Variants in TUBA1A observed in about 807,000 individuals in gnomAD.
TUBA1A encodes tubulin alpha-1A chain.
TUBA1A carries 7 observed loss-of-function variants against 34.6 expected under a neutral mutation model. That is an observed-to-expected ratio of 0.20 (90% CI 0.11 to 0.38). TUBA1A has a LOEUF of 0.38. TUBA1A is among the 10% of genes least tolerant of loss of function. The pLI is 1.00. For synonymous variants in TUBA1A, 193 were observed against 210.2 expected (o/e 0.92, Z 0.71); for missense variants, 19 against 581.3 (o/e 0.03, Z 9.95).
Position 49,188,090 on chromosome 12 carries a change from A to G in TUBA1A, c.3+887T>C. ...GGGCGTCCCACAGACACACACACAC[A>G]CACACACACACACACACACACACTT... is the stretch of plus-strand genomic sequence containing the variant. On this transcript the variant is annotated intron_variant, in intron 1 of 3. Coordinates refer to ENST00000301071, the MANE Select transcript of TUBA1A (RefSeq NM_006009.4). The surrounding 1 kb of genome is among the most constrained non-coding windows in gnomAD (Gnocchi z 4.9). The G allele has an allele frequency of 2.0e-6, 2 of 980,038 alleles. No individual in the cohort carries two copies. Among genetic ancestry groups the G allele is most frequent in the Non-Finnish European group, 2.4e-6 (2 of 826,022 alleles). The allele number at this position is 980,038 out of a possible 1,614,324, so 60.7% of individuals were successfully genotyped here.
In TUBA1A at chr12:49,184,863, A is replaced by C; in HGVS notation, c.*147T>G. 7.4e-7 allele frequency: 1 copy of C among 1,347,384 alleles called. No individual in the cohort carries two copies. The highest frequency in any genetic ancestry group is 1.4e-5 in the African/African-American group (1 of 69,542). 83.5% of individuals were successfully genotyped at this position (1,347,384 alleles called of 1,614,324 possible). The stretch of plus-strand genomic sequence containing the variant: ...AATGGACAGCTTGGGTCTGTAACAA[A>C]GCATTCATGTTTTAGAGCATAGGTC... On this transcript the variant is annotated 3_prime_UTR_variant, in exon 4 of 4. Coordinates refer to ENST00000301071, the MANE Select transcript of TUBA1A (RefSeq NM_006009.4).
Position 49,188,286 on chromosome 12 carries a change from G to A in TUBA1A, c.3+691C>T. 7.0e-7 allele frequency: 1 copy of A among 1,428,958 alleles called. No homozygotes were observed. 88.5% of individuals were successfully genotyped at this position (1,428,958 alleles called of 1,614,324 possible). A position where few individuals can be genotyped will look rare whatever the true frequency, so the allele number is the denominator to read the frequency against. The stretch of plus-strand genomic sequence containing the variant: ...GGTTTTTTTGTTTTTTTTTCAGTCA[G>A]CTCCTGACAGAAGAGGTTCAGTGAG... On this transcript the variant is annotated intron_variant, in intron 1 of 3. Coordinates refer to ENST00000301071, the MANE Select transcript of TUBA1A (RefSeq NM_006009.4). The surrounding 1 kb of genome is among the most constrained non-coding windows in gnomAD (Gnocchi z 4.9).
chr12:49,188,102 A>T lies in TUBA1A; in HGVS notation c.3+875T>A. 1.0e-6 allele frequency: 1 copy of T among 983,786 alleles called. No homozygotes were observed. The highest frequency in any genetic ancestry group is 1.2e-6 in the Non-Finnish European group (1 of 829,094). The allele number at this position is 983,786 out of a possible 1,614,324, so 60.9% of individuals were successfully genotyped here. A position where few individuals can be genotyped will look rare whatever the true frequency, so the allele number is the denominator to read the frequency against. Reference sequence around the variant, plus strand: ...GACACACACACACACACACACACACACACACACACACTTCAGTCGGTCAGG... The same window carrying T: ...GACACACACACACACACACACACACTCACACACACACTTCAGTCGGTCAGG... On this transcript the variant is annotated intron_variant, in intron 1 of 3. Transcript: ENST00000301071. This position sits in a 1 kb window ranked among gnomAD's most constrained non-coding sequence, Gnocchi z 4.9.
chr12:49,188,077 G>GACACACACACACACACACACACACACAC lies in TUBA1A; in HGVS notation c.3+872_3+899dup, dbSNP rs35097794. Reference sequence around the variant, plus strand: ...GTCGGTCAGGGCAGGGCGTCCCACAGACACACACACACACACACACACACA... The same window carrying GACACACACACACACACACACACACACAC: ...GTCGGTCAGGGCAGGGCGTCCCACAGACACACACACACACACACACACACACACACACACACACACACACACACACACA... On this transcript the variant is annotated intron_variant, in intron 1 of 3. Coordinates refer to ENST00000301071, the MANE Select transcript of TUBA1A (RefSeq NM_006009.4). The surrounding 1 kb of genome is among the most constrained non-coding windows in gnomAD (Gnocchi z 4.9). The GACACACACACACACACACACACACACAC allele has an allele frequency of 1.2e-6, 1 of 853,012 alleles. No individual in the cohort carries two copies. The highest frequency in any genetic ancestry group is 2.4e-5 in the African/African-American group (1 of 42,328). 52.8% of individuals were successfully genotyped at this position (853,012 alleles called of 1,614,324 possible). A position where few individuals can be genotyped will look rare whatever the true frequency, so the allele number is the denominator to read the frequency against.
Position 49,186,646 on chromosome 12 carries a change from C to T in TUBA1A, c.191G>A (p.Arg64Gln), listed in dbSNP as rs1942184922. 1 of 1,614,106 alleles carries T rather than the reference C, an allele frequency of 6.2e-7. No individual in the cohort carries two copies. Among genetic ancestry groups the T allele is most frequent in the Non-Finnish European group, 8.5e-7 (1 of 1,180,024 alleles). Residue 64 changes from arginine (R) to glutamine (Q), a missense_variant, in exon 2 of 4, where the codon CGG becomes CAG. Arg to Gln is a conservative substitution (Grantham distance 43). Around this residue, in one of 2 missense-constraint regions of TUBA1A, gnomAD observed 14 missense variants for 565.0 expected, o/e 0.02. Coordinates refer to ENST00000301071, the MANE Select transcript of TUBA1A (RefSeq NM_006009.4). This position sits in a 1 kb window ranked among gnomAD's most constrained non-coding sequence, Gnocchi z 6.6. ...SETGAGKHVP[R>Q]AVFVDLEPTV... ...GGGTTCCAAGTCTACAAACACTGCC[C>T]GGGGCACATGCTTGCCAGCCCCCGT...
At position 49,187,585 on chromosome 12, in the gene TUBA1A, C is replaced by T. The variant is rs181544210; in HGVS notation, c.4-752G>A. ...GAGTATAATTCTTCTTTGTCTGTAG[C>T]AATTTCATTACTTTTTTTTTTAAAA... is the stretch of plus-strand genomic sequence containing the variant. On this transcript the variant is annotated intron_variant, in intron 1 of 3. Coordinates refer to ENST00000301071, the MANE Select transcript of TUBA1A (RefSeq NM_006009.4). The T allele has an allele frequency of 2.3e-5, 23 of 980,426 alleles. No individual in the cohort carries two copies. The East Asian group carries it at 1.9e-3, about 82-fold the overall frequency. The allele number at this position is 980,426 out of a possible 1,614,324, so 60.7% of individuals were successfully genotyped here.
Position 49,188,603 on chromosome 12 carries a change from A to G in TUBA1A, c.3+374T>C. The G allele has an allele frequency of 6.9e-7, 1 of 1,446,208 alleles. No homozygotes were observed. Among genetic ancestry groups the G allele is most frequent in the Non-Finnish European group, 9.1e-7 (1 of 1,102,952 alleles). 89.6% of individuals were successfully genotyped at this position (1,446,208 alleles called of 1,614,324 possible). A position where few individuals can be genotyped will look rare whatever the true frequency, so the allele number is the denominator to read the frequency against. Reference sequence around the variant, plus strand: ...TCCCCAGAGAACAACGCGAGACAGAAAGTGGCCCCTCAGCATCAGCGAAAC... The same window carrying G: ...TCCCCAGAGAACAACGCGAGACAGAGAGTGGCCCCTCAGCATCAGCGAAAC... On this transcript the variant is annotated intron_variant, in intron 1 of 3. Coordinates refer to ENST00000301071, the MANE Select transcript of TUBA1A (RefSeq NM_006009.4). The surrounding 1 kb of genome is among the most constrained non-coding windows in gnomAD (Gnocchi z 4.9).
rs764828844 is a variant in TUBA1A at position 49,186,828 on chromosome 12, C to T, written c.9G>A (p.Glu3=). Residue 3 remains glutamate (E), a synonymous_variant, in exon 2 of 4, where the codon GAG becomes GAA. Coordinates refer to ENST00000301071, the MANE Select transcript of TUBA1A (RefSeq NM_006009.4). This position sits in a 1 kb window ranked among gnomAD's most constrained non-coding sequence, Gnocchi z 6.6. The part of the protein sequence containing the change: MR[E]CISIHVGQAG... ...CCTGGCCAACGTGGATGGAGATGCACTCACGCTGTGGGGAGGAAAAGTGAA... is the reference window on the plus strand; with the variant it reads ...CCTGGCCAACGTGGATGGAGATGCATTCACGCTGTGGGGAGGAAAAGTGAA... 1 of 1,614,174 alleles carries T rather than the reference C, an allele frequency of 6.2e-7. No individual in the cohort carries two copies.
chr12:49,187,374 G>A (rs2121250644), intron 1 of TUBA1A: 4 of 1,024,248 alleles, frequency 3.9e-6, no homozygotes, highest in Non-Finnish European at 4.7e-6. Flanking sequence ...TGTATTTGCT[G>A]TGCCTGGTGC....
rs2039564944 is a variant in TUBA1A at position 49,186,485 on chromosome 12, G to C, written c.227-27C>G. Reference sequence around the variant, plus strand: ...TGGAGAACATGATGGGGGAGGAGCAGGGGGGAGGAGGAGGAGGGACGAGGA... The same window carrying C: ...TGGAGAACATGATGGGGGAGGAGCACGGGGGAGGAGGAGGAGGGACGAGGA... On this transcript the variant is annotated intron_variant, in intron 2 of 3. Coordinates refer to ENST00000301071, the MANE Select transcript of TUBA1A (RefSeq NM_006009.4). The surrounding 1 kb of genome is among the most constrained non-coding windows in gnomAD (Gnocchi z 6.6). The C allele has an allele frequency of 6.4e-7, 1 of 1,552,312 alleles. No homozygotes were observed. The highest frequency in any genetic ancestry group is 1.8e-4 in the Middle Eastern group (1 of 5,708).
chr12:49,185,409 G>A lies in TUBA1A; in HGVS notation c.957C>T (p.Tyr319=). 1 of 1,614,060 alleles carries A rather than the reference G, an allele frequency of 6.2e-7. No homozygotes were observed. The part of the protein sequence containing the change: ...HGKYMACCLL[Y]RGDVVPKDVN... ...CATCTTTGGGAACCACGTCACCACG[G>A]TACAACAGGCAGCAAGCCATGTATT... The change falls in exon 4 of 4, where the codon TAC becomes TAT. Residue 319 remains tyrosine (Y), a synonymous_variant. Transcript: ENST00000301071.
In TUBA1A at chr12:49,188,294, C is replaced by T; in HGVS notation, c.3+683G>A. ...TGTTTTTTTTTCAGTCAGCTCCTGA[C>T]AGAAGAGGTTCAGTGAGGGCGAACC... On this transcript the variant is annotated intron_variant, in intron 1 of 3. Transcript: ENST00000301071. The surrounding 1 kb of genome is among the most constrained non-coding windows in gnomAD (Gnocchi z 4.9). 3 of 1,460,006 alleles carry T rather than the reference C, an allele frequency of 2.1e-6. No homozygotes were observed. The highest frequency in any genetic ancestry group is 1.4e-5 in the African/African-American group (1 of 69,806). 90.4% of individuals were successfully genotyped at this position (1,460,006 alleles called of 1,614,324 possible). A position where few individuals can be genotyped will look rare whatever the true frequency, so the allele number is the denominator to read the frequency against.
At chr12:49,187,470 A>G in intron 1 of TUBA1A, 1 of 986,502 alleles carries the variant, frequency 1.0e-6, no homozygotes, top group Non-Finnish European at 1.2e-6. Flanking sequence ...CTGTTTTGCC[A>G]GTTTTCCTCC....
At chr12:49,187,690 C>T (rs1942197737) in intron 1 of TUBA1A, 8 of 979,556 alleles carry the variant, frequency 8.2e-6, no homozygotes, top group South Asian at 4.8e-5. Flanking sequence ...ACAAAAGTTC[C>T]TAAGTTAGAA....
intron 1 of TUBA1A, chr12:49,187,937 T>TC (rs1942201178): frequency 1.0e-6 from 1 of 984,504 alleles, no homozygotes; most frequent in Non-Finnish European, 1.2e-6. Flanking sequence ...GAAGGGCGTT[T>TC]CCCTGGGTCC....
Position 49,186,979 on chromosome 12 carries a change from A to C in TUBA1A, c.4-146T>G. On this transcript the variant is annotated intron_variant, in intron 1 of 3. Transcript: ENST00000301071. The surrounding 1 kb of genome is among the most constrained non-coding windows in gnomAD (Gnocchi z 6.6). Reference sequence around the variant, plus strand: ...TATCCCCAGCACGATACAAAGATTAAGGAAAATCACCTGCTACAAATGCTG... The same window carrying C: ...TATCCCCAGCACGATACAAAGATTACGGAAAATCACCTGCTACAAATGCTG... 1 of 1,499,414 alleles carries C rather than the reference A, an allele frequency of 6.7e-7. No individual in the cohort carries two copies. The highest frequency in any genetic ancestry group is 8.8e-7 in the Non-Finnish European group (1 of 1,130,974). The allele number at this position is 1,499,414 out of a possible 1,614,324, so 92.9% of individuals were successfully genotyped here. A position where few individuals can be genotyped will look rare whatever the true frequency, so the allele number is the denominator to read the frequency against.
At position 49,186,997 on chromosome 12, in the gene TUBA1A, A is replaced by G. The variant is rs1942190004; in HGVS notation, c.4-164T>C. The G allele has an allele frequency of 3.4e-6, 5 of 1,487,462 alleles. No homozygotes were observed. In the African/African-American group the frequency reaches 5.6e-5, roughly 17 times the overall value. The allele number at this position is 1,487,462 out of a possible 1,614,324, so 92.1% of individuals were successfully genotyped here. A position where few individuals can be genotyped will look rare whatever the true frequency, so the allele number is the denominator to read the frequency against. On this transcript the variant is annotated intron_variant, in intron 1 of 3. Coordinates refer to ENST00000301071, the MANE Select transcript of TUBA1A (RefSeq NM_006009.4). The surrounding 1 kb of genome is among the most constrained non-coding windows in gnomAD (Gnocchi z 6.6). ...AAGATTAAGGAAAATCACCTGCTACAAATGCTGCATATGGGTGTGGTCTGA... is the reference window on the plus strand; with the variant it reads ...AAGATTAAGGAAAATCACCTGCTACGAATGCTGCATATGGGTGTGGTCTGA...
In TUBA1A at chr12:49,189,015, G is replaced by A; in HGVS notation, c.-36C>T. The A allele has an allele frequency of 6.2e-7, 1 of 1,614,070 alleles. No homozygotes were observed. The highest frequency in any genetic ancestry group is 8.5e-7 in the Non-Finnish European group (1 of 1,179,896). On this transcript the variant is annotated 5_prime_UTR_variant, in exon 1 of 4. Transcript: ENST00000301071. ...TCGCGACTGCCGAGCTGATGGCGGA[G>A]ACGAAGAGGAGAGGTTGTTGCTTCT...
At position 49,188,722 on chromosome 12, in the gene TUBA1A, C is replaced by G; in HGVS notation, c.3+255G>C. 1 of 1,448,040 alleles carries G rather than the reference C, an allele frequency of 6.9e-7. No individual in the cohort carries two copies. Among genetic ancestry groups the G allele is most frequent in the East Asian group, 2.5e-5 (1 of 40,300 alleles). The allele number at this position is 1,448,040 out of a possible 1,614,324, so 89.7% of individuals were successfully genotyped here. ...CGGCCCCCGAAAGTCTCTCGGATAA[C>G]ACAGGCGCCTAGGCGCCGCCTTTGT... On this transcript the variant is annotated intron_variant, in intron 1 of 3. Coordinates refer to ENST00000301071, the MANE Select transcript of TUBA1A (RefSeq NM_006009.4). This position sits in a 1 kb window ranked among gnomAD's most constrained non-coding sequence, Gnocchi z 4.9.
Sources: allele counts gnomAD v4.1 joint callset, GRCh38; gene constraint gnomAD v4.1.1; regional missense constraint gnomAD v4.1.1; non-coding constraint Gnocchi (gnomAD v3.1); transcripts MANE v1.5; gene names NCBI Gene and HGNC (gene_info 2026-07-23, HGNC 2026-07-21).